SCAMP1: variants seen among roughly 807,000 people sequenced by gnomAD.
SCAMP1 encodes secretory carrier-associated membrane protein 1.
SCAMP1 carries 15 observed loss-of-function variants against 41.8 expected under a neutral mutation model. The ratio of observed to expected loss-of-function variants is 0.36; its 90% confidence interval spans 0.24 to 0.55. SCAMP1 has a LOEUF of 0.55. SCAMP1 is among the 20% of genes least tolerant of loss of function. SCAMP1 has a pLI of 0.86. For missense variants in SCAMP1, 341 were observed against 412.6 expected (o/e 0.83, Z 1.50); for synonymous variants, 135 against 136.8 (o/e 0.99, Z 0.09).
chr5:78,472,976 C>A (rs373350081), intron 8 of SCAMP1, among the ~76,000 whole-genome samples: 18 of 152,236 alleles, frequency 1.2e-4, no homozygotes, highest in South Asian at 1.0e-3. Flanking sequence ...TTCTATAATA[C>A]ACTTCATTTT....
intron 1 of SCAMP1, among the ~76,000 whole-genome samples, chr5:78,381,026 A>G (rs1035860674): frequency 2.0e-5 from 3 of 152,108 alleles, no homozygotes; most frequent in Admixed American, 1.3e-4. Flanking sequence ...AGATCGTGCT[A>G]CGGCACTTCA....
At chr5:78,416,335 A>G (rs1315108587) in intron 3 of SCAMP1, among the ~76,000 whole-genome samples, 2 of 152,164 alleles carry the variant, frequency 1.3e-5, no homozygotes, top group African/African-American at 4.8e-5. Flanking sequence ...CAACATTCCC[A>G]CTGAGAGTTT....
intron 4 of SCAMP1, 64 bp from the exon 5 acceptor site, chr5:78,418,710 CA>C (rs562940641): frequency 9.1e-7 from 1 of 1,098,408 alleles, no homozygotes; most frequent in Non-Finnish European, 1.3e-6. Context: ...TATTATGAAA[CA>C]AAAAATAATA....
intron 6 of SCAMP1, among the ~76,000 whole-genome samples, chr5:78,436,040 G>A (rs574543518): frequency 3.1e-4 from 47 of 152,250 alleles, no homozygotes; most frequent in African/African-American, 1.1e-3. Context: ...AAAAGTGTCT[G>A]TCCATATCCT....
chr5:78,462,374 G>T (rs913444634), intron 8 of SCAMP1, among the ~76,000 whole-genome samples: 3 of 152,172 alleles, frequency 2.0e-5, no homozygotes, highest in African/African-American at 7.2e-5. Context: ...CTGTTGCCCA[G>T]GCTGGAGTGC....
chr5:78,438,464 G>A (rs915731960), intron 6 of SCAMP1, among the ~76,000 whole-genome samples: 84 of 152,056 alleles, frequency 5.5e-4, no homozygotes, highest in African/African-American at 2.0e-3. Flanking sequence ...CCTTCATTTC[G>A]TTTTTTACCC....
intron 7 of SCAMP1, among the ~76,000 whole-genome samples, chr5:78,457,612 T>G (rs547964139): frequency 6.6e-6 from 1 of 152,310 alleles, no homozygotes; most frequent in East Asian, 1.9e-4. Context: ...GACATTTAAG[T>G]CTGCAGAGGT....
At chr5:78,457,594 C>G (rs1753452473) in intron 7 of SCAMP1, among the ~76,000 whole-genome samples, 1 of 152,208 alleles carries the variant, frequency 6.6e-6, no homozygotes, top group Non-Finnish European at 1.5e-5. Flanking sequence ...TCAAAGCTGT[C>G]AGACAGGGAC....
At chr5:78,408,821 A>G (rs1355066489) in intron 2 of SCAMP1, among the ~76,000 whole-genome samples, 1 of 151,988 alleles carries the variant, frequency 6.6e-6, no homozygotes, top group East Asian at 1.9e-4. Flanking sequence ...GCTGGTCTCA[A>G]TCTCCTGGCC....
In SCAMP1 at chr5:78,386,020, C is replaced by G. The variant is rs145671281; in HGVS notation, c.58-2817C>G. Reference sequence around the variant, plus strand: ...CATTGTTTCTTTGTTGACTTTTTGTCTTGATGACCTGTCTAGTGCTGTCAG... The same window carrying G: ...CATTGTTTCTTTGTTGACTTTTTGTGTTGATGACCTGTCTAGTGCTGTCAG... On this transcript the variant is annotated intron_variant, in intron 1 of 8. Transcript: ENST00000621999. 6.7e-4 allele frequency among the ~76,000 whole-genome samples: 102 copies of G among 152,210 alleles called. 1 individual carries two copies. The East Asian group carries it at 0.018, about 26-fold the overall frequency.
intron 1 of SCAMP1, among the ~76,000 whole-genome samples, chr5:78,366,246 C>A (rs746899227): frequency 1.3e-5 from 2 of 151,168 alleles, no homozygotes; most frequent in Non-Finnish European, 2.9e-5. Context: ...TGGGTTCAAG[C>A]GATTCCCCTA....
intron 8 of SCAMP1, among the ~76,000 whole-genome samples, chr5:78,467,737 G>A (rs904383370): frequency 1.2e-4 from 18 of 152,116 alleles, no homozygotes; most frequent in South Asian, 6.2e-4. Flanking sequence ...TATGAAGTAC[G>A]ATAGGGATAC....
chr5:78,436,782 G>C (rs904027198), intron 6 of SCAMP1, among the ~76,000 whole-genome samples: 2 of 152,124 alleles, frequency 1.3e-5, no homozygotes, highest in African/African-American at 2.4e-5. Flanking sequence ...TAGCTTGATG[G>C]GGATGGCATT....
At chr5:78,403,920 G>C (rs1423180115) in intron 2 of SCAMP1, among the ~76,000 whole-genome samples, 1 of 117,480 alleles carries the variant, frequency 8.5e-6, no homozygotes, top group Non-Finnish European at 1.6e-5. Context: ...AGCCAAGATC[G>C]TGCCTAGGGG....
intron 2 of SCAMP1, 91 bp from the exon 3 acceptor site, chr5:78,415,429 G>A: frequency 1.4e-6 from 1 of 740,580 alleles, no homozygotes; most frequent in Non-Finnish European, 2.3e-6. Flanking sequence ...GCAGATTTTG[G>A]GATTTTTCAT....
chr5:78,463,556 A>C (rs759041793), intron 8 of SCAMP1, among the ~76,000 whole-genome samples: 1 of 152,178 alleles, frequency 6.6e-6, no homozygotes, highest in Non-Finnish European at 1.5e-5. Context: ...TGCCTCATAA[A>C]CTCTTCAGTT....
intron 8 of SCAMP1, among the ~76,000 whole-genome samples, chr5:78,463,101 G>A (rs1462350808): frequency 2.0e-5 from 3 of 152,228 alleles, no homozygotes; most frequent in Middle Eastern, 3.4e-3. Flanking sequence ...GACTGTGTCC[G>A]TTCTTCCATA....
At chr5:78,403,520 CGTG>C (rs1390545357) in intron 2 of SCAMP1, among the ~76,000 whole-genome samples, 1 of 151,912 alleles carries the variant, frequency 6.6e-6, no homozygotes, top group Non-Finnish European at 1.5e-5. Context: ...AAAAATAAGA[CGTG>C]GTGTCTCATG....
intron 1 of SCAMP1, among the ~76,000 whole-genome samples, chr5:78,365,600 A>C (rs1750775993): frequency 6.6e-6 from 1 of 151,884 alleles, no homozygotes; most frequent in Non-Finnish European, 1.5e-5. Context: ...GACTGATCAT[A>C]GTCAAGGAAT....
Sources: allele counts gnomAD v4.1 joint callset (sites outside exome capture counted in the v4.1 genomes callset), GRCh38; gene constraint gnomAD v4.1.1; transcripts MANE v1.5; gene names NCBI Gene and HGNC (gene_info 2026-07-23, HGNC 2026-07-21).